Variants in PRRC1 observed in about 807,000 individuals in gnomAD.
PRRC1 encodes proline rich coiled-coil 1, also known as protein PRRC1.
In PRRC1, 39 loss-of-function variants were observed where a neutral mutation model predicts 40.7. The ratio of observed to expected loss-of-function variants is 0.96; its 90% confidence interval spans 0.74 to 1.25. The LOEUF (loss-of-function observed/expected upper bound fraction) is 1.25, where lower values mean the gene tolerates loss of function less well. Among genes scored for constraint, PRRC1 ranks in the 50% most tolerant of loss-of-function variants. The probability of loss-of-function intolerance (pLI) is 0.00; values close to 1 mark genes in which losing one functional copy is unlikely to be tolerated. For missense variants in PRRC1, 573 were observed against 548.3 expected (o/e 1.05, Z -0.45); for synonymous variants, 175 against 193.3 (o/e 0.91, Z 0.79).
intron 6 of PRRC1, among the ~76,000 whole-genome samples, chr5:127,534,924 G>A (rs922736549): frequency 6.6e-6 from 1 of 152,174 alleles, no homozygotes; most frequent in African/African-American, 2.4e-5. Flanking sequence ...TCTCAGGCAA[G>A]AAACCTTGGA....
chr5:127,531,617 C>CTTCTTTTTTTT (rs1268819647), intron 5 of PRRC1, among the ~76,000 whole-genome samples: 15 of 99,648 alleles, frequency 1.5e-4, no homozygotes, highest in African/African-American at 6.5e-4. Context: ...TCTTCTTCTT[C>CTTCTTTTTTTT]TTTTTTTTTT....
intron 3 of PRRC1, 53 bp downstream of exon 3, chr5:127,524,973 T>G (rs1675141354): frequency 1.4e-6 from 2 of 1,457,078 alleles, no homozygotes; most frequent in Admixed American, 2.3e-5. Flanking sequence ...TGTTTTATTC[T>G]TTTTTAAAAT....
chr5:127,531,706 T>G (rs1767777396), intron 5 of PRRC1, among the ~76,000 whole-genome samples: 1 of 135,518 alleles, frequency 7.4e-6, no homozygotes, highest in Non-Finnish European at 1.5e-5. Flanking sequence ...CACTACAACC[T>G]CTGCCTCCTG....
rs1561691705 is a variant in PRRC1 at position 127,553,943 on chromosome 5, GA to G, written c.*2028del. 3.9e-6 allele frequency: 6 copies of G among 1,531,656 alleles called. No homozygotes were observed. Among genetic ancestry groups the G allele is most frequent in the Non-Finnish European group, 5.2e-6 (6 of 1,144,060 alleles). 94.9% of individuals were successfully genotyped at this position (1,531,656 alleles called of 1,614,324 possible). A position where few individuals can be genotyped will look rare whatever the true frequency, so the allele number is the denominator to read the frequency against. ...GAAGATGAGAGATGGTCAGATGGAAGAGAGAAATACATGAACTGCTCTGGCC... is the reference window on the plus strand; with the variant it reads ...GAAGATGAGAGATGGTCAGATGGAAGGAGAAATACATGAACTGCTCTGGCC... On this transcript the variant is annotated 3_prime_UTR_variant, in exon 9 of 9. Transcript: ENST00000296666.
Position 127,533,747 on chromosome 5 carries a change from T to C in PRRC1, c.882T>C (p.Asn294=), listed in dbSNP as rs1767831476. The part of the protein sequence containing the change: ...AVVVGEAGQS[N]IAPQPVGYAA... ...TTGTAGGGGAAGCTGGACAGTCCAA[T>C]ATTGCCCCACAACCAGTGGGCTATG... The change falls in exon 6 of 9, where the codon AAT becomes AAC. Residue 294 remains asparagine (N), a synonymous_variant. Coordinates refer to ENST00000296666, the MANE Select transcript of PRRC1 (RefSeq NM_130809.5). The C allele has an allele frequency of 6.2e-7, 1 of 1,614,102 alleles. No homozygotes were observed. Among genetic ancestry groups the C allele is most frequent in the African/African-American group, 1.3e-5 (1 of 75,044 alleles).
At chr5:127,528,345 G>A (rs561407763) in intron 4 of PRRC1, among the ~76,000 whole-genome samples, 7 of 151,062 alleles carry the variant, frequency 4.6e-5, no homozygotes, top group South Asian at 2.1e-4. Flanking sequence ...ACAAAGTCTC[G>A]CTCTTGTCGC....
At chr5:127,532,348 C>A (rs2127099890) in intron 5 of PRRC1, among the ~76,000 whole-genome samples, 1 of 152,274 alleles carries the variant, frequency 6.6e-6, no homozygotes, top group Admixed American at 6.5e-5. Flanking sequence ...ACTTTTTGAT[C>A]CTCCCGCCTA....
rs1768447789 is a variant in PRRC1 at position 127,553,568 on chromosome 5, T to G, written c.*1652T>G. ...AAAAGCTATCCTTTTCTAGTAGTAT[T>G]TTATCATGGCAATGGCATGATGACA... On this transcript the variant is annotated 3_prime_UTR_variant, in exon 9 of 9. Transcript: ENST00000296666. The G allele has an allele frequency of 1.6e-6, 2 of 1,261,350 alleles. No homozygotes were observed. The highest frequency in any genetic ancestry group is 7.5e-5 in the Admixed American group (2 of 26,730). The allele number at this position is 1,261,350 out of a possible 1,614,324, so 78.1% of individuals were successfully genotyped here. A position where few individuals can be genotyped will look rare whatever the true frequency, so the allele number is the denominator to read the frequency against.
intron 4 of PRRC1, among the ~76,000 whole-genome samples, chr5:127,527,044 TC>T (rs1385992250): frequency 6.6e-6 from 1 of 152,236 alleles, no homozygotes; most frequent in African/African-American, 2.4e-5. Context: ...ATGGATATCT[TC>T]CTGGCCGTAA....
At chr5:127,533,500 C>A in intron 5 of PRRC1, 123 bp from the exon 6 acceptor site, 1 of 866,466 alleles carries the variant, frequency 1.2e-6, no homozygotes, top group Non-Finnish European at 1.7e-6. Flanking sequence ...TGATCTATAT[C>A]TTGCATGGTT....
chr5:127,532,839 G>C (rs1419143728), intron 5 of PRRC1, among the ~76,000 whole-genome samples: 1 of 152,080 alleles, frequency 6.6e-6, no homozygotes, highest in African/African-American at 2.4e-5. Context: ...TCTTTTGCCG[G>C]TGATAACTAT....
At chr5:127,528,125 A>G (rs938638793) in intron 4 of PRRC1, among the ~76,000 whole-genome samples, 3 of 151,996 alleles carry the variant, frequency 2.0e-5, no homozygotes, top group African/African-American at 7.3e-5. Flanking sequence ...TTAAATTGGG[A>G]TGATTTTCTT....
chr5:127,519,803 G>C (rs1767411875), intron 1 of PRRC1, among the ~76,000 whole-genome samples: 1 of 152,182 alleles, frequency 6.6e-6, no homozygotes, highest in Admixed American at 6.5e-5. Flanking sequence ...TCTCTACTTA[G>C]ATGTTTGTTT....
chr5:127,554,077 C>T lies in PRRC1; in HGVS notation c.*2161C>T. ...TGTTTATTTTGTTGTCCTTAGATTT[C>T]CCTGTTGTAAAAGGGGCAAGAAAAG... On this transcript the variant is annotated 3_prime_UTR_variant, in exon 9 of 9. Transcript: ENST00000296666. 1 of 613,672 alleles carries T rather than the reference C, an allele frequency of 1.6e-6. No individual in the cohort carries two copies. The highest frequency in any genetic ancestry group is 2.6e-6 in the Non-Finnish European group (1 of 379,274). The allele number at this position is 613,672 out of a possible 1,614,324, so 38.0% of individuals were successfully genotyped here.
intron 7 of PRRC1, among the ~76,000 whole-genome samples, chr5:127,539,521 T>C (rs1008546214): frequency 3.3e-5 from 5 of 152,090 alleles, no homozygotes; most frequent in Admixed American, 6.6e-5. Flanking sequence ...ATTCTCTAGG[T>C]TTGAGTTTCT....
intron 7 of PRRC1, among the ~76,000 whole-genome samples, chr5:127,539,398 C>G (rs1426709562): frequency 6.6e-6 from 1 of 151,952 alleles, no homozygotes; most frequent in African/African-American, 2.4e-5. Context: ...TAAAATGGCA[C>G]TAAGTATAAG....
chr5:127,551,917 G>A lies in PRRC1; in HGVS notation c.*1G>A. 6.2e-7 allele frequency: 1 copy of A among 1,613,998 alleles called. No individual in the cohort carries two copies. Among genetic ancestry groups the A allele is most frequent in the Non-Finnish European group, 8.5e-7 (1 of 1,179,948 alleles). ...GCGCCTGCCACCCAGGACAGTGTGA[G>A]AGGAGACCTACCTGGGAGACTGAGA... On this transcript the variant is annotated 3_prime_UTR_variant, in exon 9 of 9. Coordinates refer to ENST00000296666, the MANE Select transcript of PRRC1 (RefSeq NM_130809.5).
In PRRC1 at chr5:127,533,710, G is replaced by A; in HGVS notation, c.845G>A (p.Gly282Asp). 6.2e-7 allele frequency: 1 copy of A among 1,614,080 alleles called. No individual in the cohort carries two copies. Among genetic ancestry groups the A allele is most frequent in the South Asian group, 1.1e-5 (1 of 91,076 alleles). ...CGAGATGCCTTCCAGGAGGTCTTTG[G>A]CTTAGCTGTGGTTGTAGGGGAAGCT... ...AVRDAFQEVFGLAVVVGEAGQ... is the reference protein window; with the variant it reads ...AVRDAFQEVFDLAVVVGEAGQ... Residue 282 changes from glycine (G) to aspartate (D), a missense_variant, in exon 6 of 9, where the codon GGC (glycine) becomes GAC (aspartate). Transcript: ENST00000296666.
At chr5:127,528,063 A>G (rs1767670410) in intron 4 of PRRC1, among the ~76,000 whole-genome samples, 1 of 152,058 alleles carries the variant, frequency 6.6e-6, no homozygotes, top group Non-Finnish European at 1.5e-5. Context: ...TATGATTTTT[A>G]GCCATTTGTA....
Sources: gnomAD v4.1 joint callset for allele counts (sites outside exome capture counted in the v4.1 genomes callset) on GRCh38, gnomAD v4.1.1 for gene constraint, MANE v1.5 for transcripts, NCBI Gene and HGNC (gene_info 2026-07-23, HGNC 2026-07-21) for gene names.